The following LYST variants were observed in gnomAD, a reference collection of about 807,000 sequenced individuals.
LYST encodes lysosomal-trafficking regulator.
In LYST, 192 loss-of-function variants were observed where a neutral mutation model predicts 413.6. The observed-to-expected ratio is 0.46, with a 90% CI of 0.41 to 0.52. The LOEUF (loss-of-function observed/expected upper bound fraction) is 0.52. Among genes scored for constraint, LYST ranks in the 20% least tolerant of loss-of-function variants. LYST has a pLI of 0.00. For synonymous variants in LYST, 1,525 were observed against 1,567.3 expected (o/e 0.97, Z 0.64); for missense variants, 3,815 against 4,499.9 (o/e 0.85, Z 4.35).
At chr1:235,704,513 T>G (rs1661805573) in intron 44 of LYST, among the ~76,000 whole-genome samples, 3 of 152,242 alleles carry the variant, frequency 2.0e-5, no homozygotes, top group South Asian at 4.1e-4. Flanking sequence ...TCAGTGATAT[T>G]GAGCTTTTTT....
intron 44 of LYST, among the ~76,000 whole-genome samples, chr1:235,705,316 C>T (rs1661890328): frequency 6.6e-6 from 1 of 151,830 alleles, no homozygotes; most frequent in Admixed American, 6.6e-5. Flanking sequence ...TACTAAAGTC[C>T]CAAAGAATTA....
chr1:235,874,100 C>T (rs1200617514), intron 1 of LYST, among the ~76,000 whole-genome samples: 4 of 152,126 alleles, frequency 2.6e-5, no homozygotes, highest in Non-Finnish European at 5.9e-5. Flanking sequence ...ATGTGTGTTT[C>T]GCTGCCTCCT....
In LYST at chr1:235,724,180, T is replaced by TCTA. The variant is rs1355021498; in HGVS notation, c.9163-3_9163-1dup (p.Ser3054_Ser3055insTer). 6.2e-7 allele frequency: 1 copy of TCTA among 1,612,090 alleles called. No homozygotes were observed. The highest frequency in any genetic ancestry group is 8.5e-7 in the Non-Finnish European group (1 of 1,178,838). On this transcript the variant is annotated stop_gained and inframe_insertion and splice_region_variant. Coordinates refer to ENST00000389793, the MANE Select transcript of LYST (RefSeq NM_000081.4). LOFTEE classifies it high-confidence loss of function. ...GCTGGTTCCAACTCTCCCTGAAGGC[T>TCTA]CTAAGACAAAGAAATAGGCAAAAAT... is the stretch of plus-strand genomic sequence containing the variant.
chr1:235,801,968 G>C, intron 8 of LYST, among the ~76,000 whole-genome samples: 1 of 152,038 alleles, frequency 6.6e-6, no homozygotes, highest in Non-Finnish European at 1.5e-5. Context: ...GGCCGAGGCG[G>C]GTGGATCACG....
At chr1:235,828,268 G>A (rs1187334185) in intron 3 of LYST, 2 of 449,418 alleles carry the variant, frequency 4.5e-6, no homozygotes, top group African/African-American at 4.3e-5. Flanking sequence ...AGGGGTAGGG[G>A]AATGGAAGGG....
chr1:235,861,545 T>C (rs1370754494), intron 1 of LYST, among the ~76,000 whole-genome samples: 1 of 152,248 alleles, frequency 6.6e-6, no homozygotes, highest in Non-Finnish European at 1.5e-5. Context: ...CAGATTTTTA[T>C]ACATTTTTAA....
chr1:235,761,414 T>C (rs1294200839), intron 22 of LYST, among the ~76,000 whole-genome samples: 1 of 152,238 alleles, frequency 6.6e-6, no homozygotes, highest in African/African-American at 2.4e-5. Context: ...CTGCACCTAT[T>C]CTTTTCTTCT....
intron 41 of LYST, 103 bp downstream of exon 41, chr1:235,716,609 G>A (rs1420661649): frequency 2.8e-6 from 2 of 721,584 alleles, no homozygotes; most frequent in East Asian, 5.1e-5. Flanking sequence ...AGTACAAGAA[G>A]GTAAAAAATC....
Position 235,792,050 on chromosome 1 carries a change from G to A in LYST, c.4192C>T (p.Pro1398Ser), listed in dbSNP as rs1344819288. Residue 1398 changes from proline to serine, a missense_variant, in exon 12 of 53, where the codon CCT (proline) becomes TCT (serine). By Grantham distance (74) the Pro-to-Ser change is moderately conservative. This residue lies in a region of LYST where 1,648 missense variants were observed against 1,810.3 expected (regional missense o/e 0.91). Transcript: ENST00000389793. ...CTTAAATTTGGAGCGTGCAGTAAAG[G>A]GAAGGTTAGATACTGTGAAGGGCTC... is the stretch of plus-strand genomic sequence containing the variant. Reference protein sequence around the residue: ...TMSPSQYLTFPLLHAPNLSNG... With the variant: ...TMSPSQYLTFSLLHAPNLSNG... The A allele has an allele frequency of 6.2e-7, 1 of 1,613,794 alleles. No homozygotes were observed. The highest frequency in any genetic ancestry group is 1.1e-5 in the South Asian group (1 of 91,070).
At chr1:235,830,461 A>G (rs759301908) in intron 2 of LYST, 37 bp from the exon 3 acceptor site, 1 of 1,430,908 alleles carries the variant, frequency 7.0e-7, no homozygotes, top group Non-Finnish European at 9.7e-7. Context: ...AAGATTAGGA[A>G]AACAAATACA....
intron 39 of LYST, among the ~76,000 whole-genome samples, chr1:235,722,043 C>T (rs1180646689): frequency 1.3e-5 from 2 of 152,096 alleles, no homozygotes; most frequent in Non-Finnish European, 2.9e-5. Flanking sequence ...GATATTTGAT[C>T]AGGAAACTTG....
intron 3 of LYST, chr1:235,827,747 A>C (rs1675493778): frequency 1.0e-6 from 1 of 960,658 alleles, no homozygotes; most frequent in African/African-American, 1.8e-5. Flanking sequence ...AAAAAATACC[A>C]CCACAGGAAA....
At chr1:235,804,481 C>T in intron 7 of LYST, 23 bp downstream of exon 7, 1 of 1,601,648 alleles carries the variant, frequency 6.2e-7, no homozygotes, top group South Asian at 1.1e-5. Context: ...CCAAAGAACA[C>T]AACTATATGT....
intron 21 of LYST, among the ~76,000 whole-genome samples, chr1:235,765,093 T>C (rs756401592): frequency 6.6e-6 from 1 of 152,204 alleles, no homozygotes; most frequent in Non-Finnish European, 1.5e-5. Context: ...CACTTCTATG[T>C]GGACAGCTCC....
At chr1:235,793,955 C>T (rs1342710131) in intron 10 of LYST, among the ~76,000 whole-genome samples, 1 of 152,082 alleles carries the variant, frequency 6.6e-6, no homozygotes, top group Non-Finnish European at 1.5e-5. Context: ...GCCTCAGCCT[C>T]CCGAGGAGCT....
chr1:235,738,310 A>G, intron 31 of LYST: 1 of 1,611,872 alleles, frequency 6.2e-7, no homozygotes, highest in Non-Finnish European at 8.5e-7. Flanking sequence ...AAGAGGGAGA[A>G]AGCCATCTTA....
At chr1:235,721,899 G>A (rs1052820193) in intron 39 of LYST, among the ~76,000 whole-genome samples, 22 of 152,142 alleles carry the variant, frequency 1.4e-4, no homozygotes, top group Admixed American at 1.4e-3. Context: ...ATTCTACTGG[G>A]GAGAGGCAGA....
chr1:235,679,194 A>T (rs1659617446), intron 48 of LYST, among the ~76,000 whole-genome samples: 2 of 152,224 alleles, frequency 1.3e-5, no homozygotes, highest in African/African-American at 4.8e-5. Context: ...TAACAACAGC[A>T]AGAGTAGTAA....
At chr1:235,697,368 T>A in intron 45 of LYST, 96 bp from the exon 46 acceptor site, 1 of 883,972 alleles carries the variant, frequency 1.1e-6, no homozygotes, top group Non-Finnish European at 1.8e-6. Context: ...GAGAAAGTAA[T>A]ATGGATTATA....
Sources: allele counts gnomAD v4.1 joint callset (sites outside exome capture counted in the v4.1 genomes callset), GRCh38; gene constraint gnomAD v4.1.1; regional missense constraint gnomAD v4.1.1; transcripts MANE v1.5; gene names NCBI Gene and HGNC (gene_info 2026-07-23, HGNC 2026-07-21).